Variants in TAFA2 observed in about 807,000 individuals in gnomAD.
The protein encoded by TAFA2 is TAFA chemokine like family member 2.
TAFA2 carries 7 observed loss-of-function variants against 18.8 expected under a neutral mutation model. That is an observed-to-expected ratio of 0.37 (90% CI 0.21 to 0.70). The LOEUF (loss-of-function observed/expected upper bound fraction) is 0.70, where lower values mean the gene tolerates loss of function less well. TAFA2 is among the 30% of genes least tolerant of loss of function. TAFA2 has a pLI of 0.53. For missense variants in TAFA2, 122 were observed against 158.1 expected (o/e 0.77, Z 1.23); for synonymous variants, 60 against 54.2 (o/e 1.11, Z -0.47).
At chr12:62,013,649 G>A (rs1592549594) in intron 1 of TAFA2, among the ~76,000 whole-genome samples, 1 of 152,270 alleles carries the variant, frequency 6.6e-6, no homozygotes, top group South Asian at 2.1e-4. Context: ...ACTGTAAGTT[G>A]TACAGAATCA....
At position 62,220,648 on chromosome 12, in the gene TAFA2, G is replaced by A. The variant is rs550612760; in HGVS notation, c.-130+38115C>T. ...TTGACTGTAACAAATGTACCACTCT[G>A]GTGGGAGATGTTGATAGTGGGGGAA... is the stretch of plus-strand genomic sequence containing the variant. On this transcript the variant is annotated intron_variant, in intron 1 of 5. Coordinates refer to the TAFA2 transcript ENST00000551619. Among the ~76,000 whole-genome samples the A allele has an allele frequency of 2.6e-5, 4 of 152,298 alleles. No homozygotes were observed. In the South Asian group the frequency reaches 6.2e-4, roughly 24 times the overall value.
intron 1 of TAFA2, among the ~76,000 whole-genome samples, chr12:62,120,520 A>T (rs544876150): frequency 6.6e-6 from 1 of 152,246 alleles, no homozygotes; most frequent in Non-Finnish European, 1.5e-5. Context: ...ATATTTGATG[A>T]AGACTTTTCT....
At chr12:62,131,627 TA>T (rs144021353) in intron 1 of TAFA2, among the ~76,000 whole-genome samples, 2,728 of 152,038 alleles carry the variant, frequency 0.018, 76 homozygotes, top group African/African-American at 0.06. Context: ...AAACACGATT[TA>T]AAAAAAATTA....
chr12:61,857,093 T>C (rs917862228), intron 2 of TAFA2, among the ~76,000 whole-genome samples: 8 of 151,992 alleles, frequency 5.3e-5, no homozygotes, highest in Admixed American at 1.3e-4. Flanking sequence ...CAATAGTTTA[T>C]ATTTTATATT....
intron 1 of TAFA2, among the ~76,000 whole-genome samples, chr12:62,085,609 T>C (rs1003020202): frequency 6.6e-6 from 1 of 152,138 alleles, no homozygotes; most frequent in African/African-American, 2.4e-5. Flanking sequence ...GATTTAAGGA[T>C]TGGAGATGGA....
At chr12:62,004,266 A>T (rs7979256) in intron 1 of TAFA2, among the ~76,000 whole-genome samples, 40,616 of 152,054 alleles carry the variant, frequency 0.27, 5,878 homozygotes, top group Non-Finnish European at 0.33. Context: ...CCTCTTTTAA[A>T]GTTTTAAGAA....
chr12:61,774,340 A>G (rs1268765807), intron 2 of TAFA2, among the ~76,000 whole-genome samples: 1 of 151,956 alleles, frequency 6.6e-6, no homozygotes, highest in Non-Finnish European at 1.5e-5. Context: ...TATCCAGATG[A>G]AAAGAAGTCA....
At chr12:62,138,157 C>T (rs1297295579) in intron 1 of TAFA2, among the ~76,000 whole-genome samples, 1 of 152,102 alleles carries the variant, frequency 6.6e-6, no homozygotes, top group Non-Finnish European at 1.5e-5. Flanking sequence ...GTGGCACCCG[C>T]CTGTTGTCCA....
chr12:62,039,387 T>C (rs1881698095), intron 1 of TAFA2, among the ~76,000 whole-genome samples: 1 of 152,170 alleles, frequency 6.6e-6, no homozygotes, highest in South Asian at 2.1e-4. Context: ...ATAATTTATG[T>C]TGTACTTGTC....
At chr12:62,005,308 TATAAATGA>T (rs1880511391) in intron 1 of TAFA2, among the ~76,000 whole-genome samples, 1 of 152,082 alleles carries the variant, frequency 6.6e-6, no homozygotes, top group Non-Finnish European at 1.5e-5. Context: ...ATATACACAA[TATAAATGA>T]ATAAATGAAT....
At chr12:62,099,168 A>G (rs921537525) in intron 1 of TAFA2, among the ~76,000 whole-genome samples, 3 of 152,156 alleles carry the variant, frequency 2.0e-5, no homozygotes, top group Non-Finnish European at 2.9e-5. Flanking sequence ...TAAATCACAA[A>G]ATATAGAAAC....
chr12:61,732,439 C>A (rs1870496179), intron 4 of TAFA2, among the ~76,000 whole-genome samples: 1 of 152,090 alleles, frequency 6.6e-6, no homozygotes, highest in African/African-American at 2.4e-5. Flanking sequence ...CAGACATGGT[C>A]CTTGCTGTCA....
At chr12:61,766,883 C>T (rs1869814548) in intron 2 of TAFA2, among the ~76,000 whole-genome samples, 1 of 151,916 alleles carries the variant, frequency 6.6e-6, no homozygotes, top group Non-Finnish European at 1.5e-5. Flanking sequence ...AACTTTTTTT[C>T]TAATGGAGAG....
intron 1 of TAFA2, among the ~76,000 whole-genome samples, chr12:61,986,075 C>G (rs59570268): frequency 1.3e-5 from 2 of 151,832 alleles, no homozygotes; most frequent in Non-Finnish European, 2.9e-5. Context: ...TAGCTCTGTG[C>G]CCCACTATTG....
At position 61,709,239 on chromosome 12, in the gene TAFA2, C is replaced by T. The variant is rs568024178; in HGVS notation, c.*1167G>A. 1 of 152,386 alleles carries T rather than the reference C, an allele frequency of 6.6e-6. No homozygotes were observed. Among genetic ancestry groups the T allele is most frequent in the East Asian group, 1.9e-4 (1 of 5,174 alleles). The allele number at this position is 152,386 out of a possible 1,614,324, so 9.4% of individuals were successfully genotyped here. A position where few individuals can be genotyped will look rare whatever the true frequency, so the allele number is the denominator to read the frequency against. On this transcript the variant is annotated 3_prime_UTR_variant, in exon 5 of 5. Transcript: ENST00000416284. ...TTTCCTGTAGAACCAAAACCATAAA[C>T]GTTAAAATCGCTACAAAAATGTCAC...
chr12:62,249,885 C>A (rs372975749), intron 1 of TAFA2, among the ~76,000 whole-genome samples: 1 of 152,150 alleles, frequency 6.6e-6, no homozygotes, highest in African/African-American at 2.4e-5. Context: ...TGCCTCACAG[C>A]GGGTTTGGAT....
chr12:61,709,286 G>C lies in TAFA2; in HGVS notation c.*1120C>G, dbSNP rs1250253153. ...TCACAAAATATTGGCCTAACAAATT[G>C]TTTGAATAGGAAAACTGTAAGCAAA... On this transcript the variant is annotated 3_prime_UTR_variant, in exon 5 of 5. Coordinates refer to ENST00000416284, the MANE Select transcript of TAFA2 (RefSeq NM_178539.5). 1 of 152,376 alleles carries C rather than the reference G, an allele frequency of 6.6e-6. No individual in the cohort carries two copies. The highest frequency in any genetic ancestry group is 2.4e-5 in the African/African-American group (1 of 41,412). The allele number at this position is 152,376 out of a possible 1,614,324, so 9.4% of individuals were successfully genotyped here. A position where few individuals can be genotyped will look rare whatever the true frequency, so the allele number is the denominator to read the frequency against.
chr12:62,174,079 G>A (rs1291875806), intron 1 of TAFA2, among the ~76,000 whole-genome samples: 2 of 152,154 alleles, frequency 1.3e-5, no homozygotes, highest in Non-Finnish European at 2.9e-5. Context: ...ATCGCTTGAG[G>A]CCAGGAGTTC....
At chr12:61,742,042 G>A (rs892358374) in intron 4 of TAFA2, among the ~76,000 whole-genome samples, 1 of 151,956 alleles carries the variant, frequency 6.6e-6, no homozygotes, top group Non-Finnish European at 1.5e-5. Flanking sequence ...CTGCAAGCAT[G>A]TGCCACCATA....
Sources: allele counts gnomAD v4.1 joint callset (sites outside exome capture counted in the v4.1 genomes callset), GRCh38; gene constraint gnomAD v4.1.1; transcripts MANE v1.5; gene names NCBI Gene and HGNC (gene_info 2026-07-23, HGNC 2026-07-21).